LRRC4C: variants seen among roughly 807,000 people sequenced by gnomAD.
The protein encoded by LRRC4C is leucine rich repeat containing 4C.
LRRC4C carries 5 observed loss-of-function variants against 33.6 expected under a neutral mutation model. The observed-to-expected ratio is 0.15, with a 90% confidence interval of 0.08 to 0.31. LRRC4C has a LOEUF of 0.31. LRRC4C is among the 10% of genes least tolerant of loss of function. The pLI is 1.00. For synonymous variants in LRRC4C, 329 were observed against 302.0 expected (o/e 1.09, Z -0.93); for missense variants, 560 against 796.7 (o/e 0.70, Z 3.58).
At chr11:40,151,462 A>G (rs890650698) in intron 5 of LRRC4C, among the ~76,000 whole-genome samples, 3 of 152,198 alleles carry the variant, frequency 2.0e-5, no homozygotes, top group African/African-American at 7.2e-5. Flanking sequence ...ACACAAAAAA[A>G]TTTGTATCAT....
intron 1 of LRRC4C, among the ~76,000 whole-genome samples, chr11:41,144,491 C>T (rs1272440763): frequency 6.6e-6 from 1 of 152,142 alleles, no homozygotes; most frequent in Non-Finnish European, 1.5e-5. Context: ...ATCCCTACAT[C>T]CCATGGATAG....
chr11:40,898,363 A>AAAAAAAAAAAAG (rs1956055463), intron 2 of LRRC4C, among the ~76,000 whole-genome samples: 1 of 148,024 alleles, frequency 6.8e-6, no homozygotes, highest in African/African-American at 2.5e-5. Flanking sequence ...CAAAAAAAAA[A>AAAAAAAAAAAAG]AAAAAAAAAG....
intron 1 of LRRC4C, among the ~76,000 whole-genome samples, chr11:40,987,014 G>C (rs1015382636): frequency 2.0e-5 from 3 of 152,124 alleles, no homozygotes; most frequent in Non-Finnish European, 4.4e-5. Flanking sequence ...TCTTCCCTGG[G>C]AACTCTAAGC....
chr11:40,918,690 G>A (rs1957057058), intron 2 of LRRC4C, among the ~76,000 whole-genome samples: 1 of 152,124 alleles, frequency 6.6e-6, no homozygotes, highest in Non-Finnish European at 1.5e-5. Flanking sequence ...CTTTGAGCAT[G>A]TCTTAAAAAC....
chr11:40,936,909 G>C (rs1353424463), intron 1 of LRRC4C, among the ~76,000 whole-genome samples: 1 of 152,118 alleles, frequency 6.6e-6, no homozygotes, highest in Non-Finnish European at 1.5e-5. Flanking sequence ...CCATACAGCA[G>C]CGTTCCAAGA....
At chr11:40,418,321 A>G (rs1950401323) in intron 3 of LRRC4C, among the ~76,000 whole-genome samples, 1 of 152,230 alleles carries the variant, frequency 6.6e-6, no homozygotes, top group Admixed American at 6.5e-5. Context: ...ACACTTCTCA[A>G]AAGAAGACAT....
intron 1 of LRRC4C, among the ~76,000 whole-genome samples, chr11:41,179,837 C>A (rs1945368010): frequency 6.6e-6 from 1 of 151,920 alleles, no homozygotes; most frequent in South Asian, 2.1e-4. Flanking sequence ...TATTGAGTAT[C>A]TTCTATGTGA....
At position 40,283,693 on chromosome 11, in the gene LRRC4C, CTTTTTTTTTTTTTTTTT is replaced by C. The variant is rs5791366; in HGVS notation, c.-176+35918_-176+35934del. 1.9e-4 allele frequency among the ~76,000 whole-genome samples: 11 copies of C among 59,300 alleles called. 1 individual carries two copies. In the South Asian group the frequency reaches 0.01, roughly 56 times the overall value. 38.9% of individuals were successfully genotyped at this position (59,300 alleles called of 152,430 possible). A position where few individuals can be genotyped will look rare whatever the true frequency, so the allele number is the denominator to read the frequency against. On this transcript the variant is annotated intron_variant, in intron 4 of 6. Coordinates refer to ENST00000528697, the MANE Select transcript of LRRC4C (RefSeq NM_001258419.2). The stretch of plus-strand genomic sequence containing the variant: ...AGAAGAATAAGATGAGGTCCATATT[CTTTTTTTTTTTTTTTTT>C]TTTTTTTTTTTGAGACGGAGTTTCA...
At chr11:40,321,612 T>G (rs939006692) in intron 3 of LRRC4C, among the ~76,000 whole-genome samples, 1 of 152,224 alleles carries the variant, frequency 6.6e-6, no homozygotes, top group African/African-American at 2.4e-5. Flanking sequence ...GCCTATACTT[T>G]TTCTTACTAT....
intron 2 of LRRC4C, among the ~76,000 whole-genome samples, chr11:40,909,223 A>T (rs926830816): frequency 6.6e-6 from 1 of 152,070 alleles, no homozygotes; most frequent in Non-Finnish European, 1.5e-5. Context: ...CTCCTTTTAA[A>T]TCAATCTTTT....
rs376075753 is a variant in LRRC4C at position 40,191,687 on chromosome 11, G to A, written c.-96+49832C>T. Among the ~76,000 whole-genome samples, 14 of 152,266 alleles carry A rather than the reference G, an allele frequency of 9.2e-5. No homozygotes were observed. The South Asian group carries it at 1.0e-3, about 11-fold the overall frequency. Reference sequence around the variant, plus strand: ...TCTAAAATTCCATAACTGGCTATACGCAGAGGCTCTTGCCTGTCATCCCAG... The same window carrying A: ...TCTAAAATTCCATAACTGGCTATACACAGAGGCTCTTGCCTGTCATCCCAG... On this transcript the variant is annotated intron_variant, in intron 5 of 6. Transcript: ENST00000528697.
intron 4 of LRRC4C, among the ~76,000 whole-genome samples, chr11:40,255,090 C>T (rs1313067308): frequency 1.3e-5 from 2 of 152,078 alleles, no homozygotes; most frequent in East Asian, 1.9e-4. Flanking sequence ...CGTGAGTCAC[C>T]GCACCCGGCC....
chr11:40,590,527 G>A (rs1167696597), intron 3 of LRRC4C, among the ~76,000 whole-genome samples: 1 of 152,086 alleles, frequency 6.6e-6, no homozygotes, highest in African/African-American at 2.4e-5. Context: ...GTGAGGAACT[G>A]TGTTCCTTTG....
chr11:41,016,613 A>C (rs1855601659), intron 1 of LRRC4C, among the ~76,000 whole-genome samples: 1 of 152,250 alleles, frequency 6.6e-6, no homozygotes, highest in South Asian at 2.1e-4. Flanking sequence ...GCGTTGTACC[A>C]GTAGTGAATC....
At chr11:41,211,405 G>A (rs1395352015) in intron 1 of LRRC4C, among the ~76,000 whole-genome samples, 3 of 151,976 alleles carry the variant, frequency 2.0e-5, no homozygotes, top group African/African-American at 7.3e-5. Context: ...ATGTATACAC[G>A]TGCCATGTTG....
chr11:40,543,843 T>G (rs1956814379), intron 3 of LRRC4C, among the ~76,000 whole-genome samples: 1 of 152,086 alleles, frequency 6.6e-6, no homozygotes, highest in Admixed American at 6.6e-5. Context: ...CTACCATTTT[T>G]TTTGTATTAA....
chr11:40,609,844 T>A (rs145021531), intron 3 of LRRC4C, among the ~76,000 whole-genome samples: 7 of 151,858 alleles, frequency 4.6e-5, no homozygotes, highest in South Asian at 2.1e-4. Flanking sequence ...GACTAAAGCA[T>A]GAAGAAACAG....
Position 40,673,897 on chromosome 11 carries a change from T to C in LRRC4C, c.-406-25619A>G, listed in dbSNP as rs185601702. ...AATGATGGTCACCAAGATACCAGTG[T>C]TGGTTCTGCAGGCAATGCACCATTG... On this transcript the variant is annotated intron_variant, in intron 2 of 6. Transcript: ENST00000528697. 3.3e-5 allele frequency among the ~76,000 whole-genome samples: 5 copies of C among 152,280 alleles called. No homozygotes were observed. The East Asian group carries it at 9.7e-4, about 29-fold the overall frequency.
chr11:40,766,859 A>C (rs990990322), intron 2 of LRRC4C, among the ~76,000 whole-genome samples: 2 of 147,376 alleles, frequency 1.4e-5, no homozygotes, highest in African/African-American at 2.5e-5. Context: ...AAGGGAAGGG[A>C]GGGAAGGGGA....
Sources: allele counts gnomAD v4.1 joint callset (sites outside exome capture counted in the v4.1 genomes callset), GRCh38; gene constraint gnomAD v4.1.1; transcripts MANE v1.5; gene names NCBI Gene and HGNC (gene_info 2026-07-23, HGNC 2026-07-21).